Variants in NRXN1 observed in about 807,000 individuals in gnomAD.
NRXN1 encodes neurexin 1.
In NRXN1, 39 loss-of-function variants were observed where a neutral mutation model predicts 150.9. The ratio of observed to expected loss-of-function variants is 0.26; its 90% CI spans 0.20 to 0.34. The LOEUF is 0.34. NRXN1 is among the 10% of genes least tolerant of loss of function. The pLI is 1.00. For missense variants in NRXN1, 1,815 were observed against 1,949.9 expected, an observed-to-expected ratio of 0.93 and a Z score of 1.30; for synonymous variants, 924 against 757.0, an observed-to-expected ratio of 1.22 and a Z score of -3.62.
intron 17 of NRXN1, among the ~76,000 whole-genome samples, chr2:50,320,943 C>T (rs1456444135): frequency 1.3e-5 from 2 of 152,180 alleles, no homozygotes; most frequent in African/African-American, 4.8e-5. Flanking sequence ...TGCCAAATTA[C>T]TGCAGCCTGA....
intron 20 of NRXN1, 34 bp from the exon 21 acceptor site, chr2:50,053,624 T>C: frequency 6.2e-7 from 1 of 1,605,320 alleles, no homozygotes; most frequent in Non-Finnish European, 8.5e-7. Flanking sequence ...TGCAAAAATG[T>C]TGATTGTGAA....
In NRXN1 at chr2:50,334,209, A is replaced by ATATATATATATATATATATATATATG. The variant is rs760530144; in HGVS notation, c.3365-97240_3365-97239insCATATATATATATATATATATATATA. On this transcript the variant is annotated intron_variant, in intron 17 of 22. Coordinates refer to ENST00000401669, the MANE Select transcript of NRXN1 (RefSeq NM_001330078.2). ...CAGGACCAAATATATATATATATAT[A>ATATATATATATATATATATATATATG]TATGTATGTAGATATTGTTTAACGG... 7.3e-3 allele frequency among the ~76,000 whole-genome samples: 884 copies of ATATATATATATATATATATATATATG among 120,830 alleles called. 13 individuals are homozygous for ATATATATATATATATATATATATATG. Among genetic ancestry groups the ATATATATATATATATATATATATATG allele is most frequent in the Non-Finnish European group, 0.011 (682 of 61,642 alleles). The allele number at this position is 120,830 out of a possible 152,430, so 79.3% of individuals were successfully genotyped here.
intron 8 of NRXN1, among the ~76,000 whole-genome samples, chr2:50,608,946 A>G (rs1437501178): frequency 2.6e-5 from 4 of 152,186 alleles, no homozygotes; most frequent in Non-Finnish European, 5.9e-5. Flanking sequence ...CAAGGTACCC[A>G]TATTTAAAAA....
chr2:50,897,421 T>G (rs924545485), intron 5 of NRXN1, among the ~76,000 whole-genome samples: 2 of 152,190 alleles, frequency 1.3e-5, no homozygotes, highest in Non-Finnish European at 2.9e-5. Flanking sequence ...GAATGATGAA[T>G]CAATTAACCA....
At chr2:51,014,823 T>C (rs1668420688) in intron 2 of NRXN1, among the ~76,000 whole-genome samples, 1 of 152,004 alleles carries the variant, frequency 6.6e-6, no homozygotes, top group Admixed American at 6.6e-5. Flanking sequence ...AATGAATTAA[T>C]AGCACAAAGA....
chr2:50,694,936 C>T (rs564187033), intron 5 of NRXN1, among the ~76,000 whole-genome samples: 1 of 152,212 alleles, frequency 6.6e-6, no homozygotes, highest in East Asian at 1.9e-4. Context: ...ACTGATGGGG[C>T]TGAAAGACAG....
rs911521002 is a variant in NRXN1, at chr2:50,721,716, GT to G, written c.833-98102del. 6.4e-3 allele frequency among the ~76,000 whole-genome samples: 973 copies of G among 151,724 alleles called. 14 individuals are homozygous for G. The highest frequency in any genetic ancestry group is 0.022 in the African/African-American group (904 of 41,210). ...TGCTATTTACTGGACCTTGTGGTAT[GT>G]TTTTTTTCATACATTATTTTATTTT... On this transcript the variant is annotated intron_variant, in intron 5 of 22. Coordinates refer to ENST00000401669, the MANE Select transcript of NRXN1 (RefSeq NM_001330078.2).
At chr2:50,771,292 C>T (rs1383751226) in intron 5 of NRXN1, among the ~76,000 whole-genome samples, 2 of 152,080 alleles carry the variant, frequency 1.3e-5, no homozygotes, top group South Asian at 2.1e-4. Context: ...TCCCAAAACG[C>T]AAAATCATAA....
intron 2 of NRXN1, among the ~76,000 whole-genome samples, chr2:51,010,323 CATAA>C (rs1667647263): frequency 6.6e-6 from 1 of 151,982 alleles, no homozygotes; most frequent in African/African-American, 2.4e-5. Flanking sequence ...CCTTTTTATA[CATAA>C]ATAAGTATAT....
At position 50,468,480 on chromosome 2, in the gene NRXN1, G is replaced by A. The variant is rs892108862; in HGVS notation, c.3245-2919C>T. ...ATTGACAGGTATTACACAAGAGAGA[G>A]CCTTAAATTTATTTTTCTTTTTAGT... On this transcript the variant is annotated intron_variant, in intron 16 of 22. Transcript: ENST00000401669. Among the ~76,000 whole-genome samples, 4 of 151,542 alleles carry A rather than the reference G, an allele frequency of 2.6e-5. No individual in the cohort carries two copies. In the East Asian group the frequency reaches 7.8e-4, roughly 29 times the overall value.
chr2:50,972,522 A>T (rs909279503), intron 2 of NRXN1, among the ~76,000 whole-genome samples: 1 of 152,152 alleles, frequency 6.6e-6, no homozygotes, highest in South Asian at 2.1e-4. Flanking sequence ...TGATTCAAAC[A>T]CATTTATTTT....
In NRXN1 at chr2:50,963,752, C is replaced by A. The variant is rs191957495; in HGVS notation, c.773-37797G>T. 3.2e-4 allele frequency among the ~76,000 whole-genome samples: 49 copies of A among 151,744 alleles called. 1 individual carries two copies. Among genetic ancestry groups the A allele is most frequent in the African/African-American group, 1.0e-3 (43 of 41,512 alleles). The stretch of plus-strand genomic sequence containing the variant: ...TGGTGTTACCTTTAAGCAGATTCCT[C>A]TATTCTGTTCATGAAGAATGTATAT... On this transcript the variant is annotated intron_variant, in intron 2 of 22. Coordinates refer to ENST00000401669, the MANE Select transcript of NRXN1 (RefSeq NM_001330078.2).
chr2:50,443,575 T>C (rs1005006405), intron 17 of NRXN1, among the ~76,000 whole-genome samples: 6 of 152,166 alleles, frequency 3.9e-5, no homozygotes, highest in Non-Finnish European at 8.8e-5. Context: ...TAGTTTGCAA[T>C]GTGCCTCTAA....
intron 13 of NRXN1, among the ~76,000 whole-genome samples, chr2:50,501,127 T>C (rs1383677144): frequency 1.3e-5 from 2 of 152,138 alleles, no homozygotes; most frequent in East Asian, 3.9e-4. Context: ...AAGCTAGATT[T>C]GAAGAATTAA....
chr2:50,813,111 T>A (rs1668455718), intron 5 of NRXN1, among the ~76,000 whole-genome samples: 1 of 152,052 alleles, frequency 6.6e-6, no homozygotes, highest in Admixed American at 6.6e-5. Context: ...GGAGGATGGC[T>A]TGAGCCTGGG....
chr2:50,433,114 A>G (rs2085116931), intron 17 of NRXN1, among the ~76,000 whole-genome samples: 1 of 152,244 alleles, frequency 6.6e-6, no homozygotes, highest in Non-Finnish European at 1.5e-5. Context: ...CAGTGAGGAA[A>G]AGCATAGTTA....
intron 17 of NRXN1, among the ~76,000 whole-genome samples, chr2:50,400,588 A>G (rs1370679169): frequency 6.6e-6 from 1 of 152,172 alleles, no homozygotes; most frequent in East Asian, 1.9e-4. Flanking sequence ...ACTAGACCAG[A>G]AAGTTTCCAG....
intron 18 of NRXN1, among the ~76,000 whole-genome samples, chr2:50,166,624 G>T (rs1028293734): frequency 1.3e-5 from 2 of 152,050 alleles, no homozygotes; most frequent in Admixed American, 6.5e-5. Context: ...TACTAACTTT[G>T]TAGTAATCTA....
intron 21 of NRXN1, chr2:49,966,644 T>G (rs1677014563): frequency 6.6e-6 from 1 of 152,060 alleles, no homozygotes; most frequent in South Asian, 2.1e-4. Context: ...TCTTCACCAG[T>G]AGATACAGAA....
Sources: gnomAD v4.1 joint callset for allele counts (sites outside exome capture counted in the v4.1 genomes callset) on GRCh38, gnomAD v4.1.1 for gene constraint, MANE v1.5 for transcripts, NCBI Gene and HGNC (gene_info 2026-07-23, HGNC 2026-07-21) for gene names.